TLR3: variants seen among roughly 807,000 people sequenced by gnomAD.
The protein encoded by TLR3 is toll like receptor 3, also known as toll-like receptor 3.
A neutral mutation model predicts 66.4 loss-of-function variants in TLR3; 43 were observed. That is an observed-to-expected ratio of 0.65 (90% CI 0.51 to 0.83). The LOEUF (loss-of-function observed/expected upper bound fraction) is 0.83, where lower values mean the gene tolerates loss of function less well. Among genes scored for constraint, TLR3 ranks in the 40% least tolerant of loss-of-function variants. The pLI is 0.00. For missense variants in TLR3, 982 were observed against 1,044.6 expected (o/e 0.94, Z 0.83); for synonymous variants, 397 against 397.2 (o/e 1.00, Z 0.01).
rs746697955 is a variant in TLR3 at position 186,076,668 on chromosome 4, T to C, written c.49T>C (p.Phe17Leu). Residue 17 changes from phenylalanine (F) to leucine (L), a missense_variant, in exon 2 of 5, where the codon TTT becomes CTT. By Grantham distance (22) the Phe-to-Leu change is conservative. Coordinates refer to ENST00000296795, the MANE Select transcript of TLR3 (RefSeq NM_003265.3). Reference protein sequence around the residue: ...CIYFWGGLLPFGMLCASSTTK... With the variant: ...CIYFWGGLLPLGMLCASSTTK... The stretch of plus-strand genomic sequence containing the variant: ...CTACTTTTGGGGGGGCCTTTTGCCC[T>C]TTGGGATGCTGTGTGCATCCTCCAC... The C allele has an allele frequency of 3.1e-6, 5 of 1,614,202 alleles. No homozygotes were observed. The highest frequency in any genetic ancestry group is 4.2e-6 in the Non-Finnish European group (5 of 1,180,036).
chr4:186,076,281 A>C (rs1325060538), intron 1 of TLR3, among the ~76,000 whole-genome samples: 2 of 152,242 alleles, frequency 1.3e-5, no homozygotes, highest in African/African-American at 2.4e-5. Flanking sequence ...TAAATGAAGA[A>C]ATAGAAGATC....
Position 186,078,874 on chromosome 4 carries a change from T to A in TLR3, c.476T>A (p.Leu159Ter). Residue 159 changes from leucine to a stop codon, truncating the protein, a stop_gained, in exon 3 of 5, where the codon TTG (leucine) becomes TAG (stop). Transcript: ENST00000296795. LOFTEE classifies it high-confidence loss of function. ...LITLDLSHNG[L>*]SSTKLGTQVQ... is the part of the protein sequence containing the mutation. ...ACATTAGATCTGTCTCATAATGGCT[T>A]GTCATCTACAAAATTAGGAACTCAG... 1 of 1,614,094 alleles carries A rather than the reference T, an allele frequency of 6.2e-7. No homozygotes were observed. Among genetic ancestry groups the A allele is most frequent in the Non-Finnish European group, 8.5e-7 (1 of 1,179,982 alleles).
In TLR3 at chr4:186,077,033, T is replaced by C; in HGVS notation, c.414T>C (p.Ile138=). The change falls in exon 2 of 5, where the codon ATT becomes ATC. Residue 138 remains isoleucine, a synonymous_variant. Transcript: ENST00000296795. ...TCATGTCCAACTCAATCCAGAAAAT[T>C]AAAAATAATCCCTTTGTCAAGCAGA... is the stretch of plus-strand genomic sequence containing the variant. ...LHLMSNSIQK[I]KNNPFVKQKN... 2 of 1,614,024 alleles carry C rather than the reference T, an allele frequency of 1.2e-6. No homozygotes were observed. Among genetic ancestry groups the C allele is most frequent in the Non-Finnish European group, 1.7e-6 (2 of 1,180,002 alleles).
chr4:186,076,700 G>A lies in TLR3; in HGVS notation c.81G>A (p.Lys27=), dbSNP rs1188065402. ...TGCTGTGTGCATCCTCCACCACCAAGTGCACTGTTAGCCATGAAGTTGCTG... is the reference window on the plus strand; with the variant it reads ...TGCTGTGTGCATCCTCCACCACCAAATGCACTGTTAGCCATGAAGTTGCTG... ...FGMLCASSTT[K]CTVSHEVADC... The change falls in exon 2 of 5, where the codon AAG becomes AAA. Residue 27 remains lysine (K), a synonymous_variant. Transcript: ENST00000296795. The A allele has an allele frequency of 1.2e-6, 2 of 1,614,070 alleles. No individual in the cohort carries two copies. The highest frequency in any genetic ancestry group is 1.7e-5 in the Admixed American group (1 of 60,000).
Position 186,083,841 on chromosome 4 carries a change from A to G in TLR3, c.2155A>G (p.Ile719Val). The change falls in exon 4 of 5, where the codon ATT becomes GTT. Residue 719 changes from isoleucine to valine, a missense_variant. Around this residue, in one of 3 missense-constraint regions of TLR3, gnomAD observed 666 missense variants for 709.0 expected, o/e 0.94. Coordinates refer to ENST00000296795, the MANE Select transcript of TLR3 (RefSeq NM_003265.3). The surrounding 1 kb of genome is among the most constrained non-coding windows in gnomAD (Gnocchi z 4.0). ...NTSILLIFIF[I>V]VLLIHFEGWR... Reference sequence around the variant, plus strand: ...CAGTATCCTGTTGATTTTTATCTTTATTGTACTTCTCATCCACTTTGAGGG... The same window carrying G: ...CAGTATCCTGTTGATTTTTATCTTTGTTGTACTTCTCATCCACTTTGAGGG... The G allele has an allele frequency of 6.2e-7, 1 of 1,614,004 alleles. No homozygotes were observed. The highest frequency in any genetic ancestry group is 2.2e-5 in the East Asian group (1 of 44,880).
intron 3 of TLR3, 51 bp from the exon 4 acceptor site, chr4:186,082,269 C>T (rs899734214): frequency 2.5e-6 from 2 of 793,114 alleles, no homozygotes; most frequent in African/African-American, 1.9e-5. Context: ...AACAGCATTA[C>T]AGAGTCTGTG....
chr4:186,076,507 T>C, intron 1 of TLR3, 106 bp from the exon 2 acceptor site: 1 of 1,069,616 alleles, frequency 9.3e-7, no homozygotes, highest in East Asian at 2.4e-5. Context: ...AATAACATCA[T>C]ACATGGTCAT....
At chr4:186,080,872 G>A (rs1371747133) in intron 3 of TLR3, among the ~76,000 whole-genome samples, 4 of 152,078 alleles carry the variant, frequency 2.6e-5, no homozygotes, top group Admixed American at 1.3e-4. Flanking sequence ...GATTACAGGC[G>A]TGAGCCACCG....
intron 2 of TLR3, among the ~76,000 whole-genome samples, chr4:186,078,112 C>A (rs1451237150): frequency 2.0e-5 from 3 of 152,098 alleles, no homozygotes; most frequent in Admixed American, 1.3e-4. Context: ...CTAGAGAAAT[C>A]ATTGCAAAAT....
intron 1 of TLR3, among the ~76,000 whole-genome samples, chr4:186,074,301 C>G (rs1350633549): frequency 6.6e-6 from 1 of 152,226 alleles, no homozygotes; most frequent in South Asian, 2.1e-4. Context: ...CTAGGTAGTA[C>G]AGCCTGTGGC....
intron 3 of TLR3, among the ~76,000 whole-genome samples, chr4:186,079,671 C>A (rs2099303086): frequency 6.6e-6 from 1 of 152,180 alleles, no homozygotes; most frequent in African/African-American, 2.4e-5. Context: ...TCATGATCTT[C>A]AAGCTAATCA....
Position 186,087,371 on chromosome 4 carries a change from T to C in TLR3, c.*2498T>C, listed in dbSNP as rs2099304535. On this transcript the variant is annotated 3_prime_UTR_variant, in exon 5 of 5. Transcript: ENST00000296795. ...AGTAACATCCAGAACTTCTGCAGGC[T>C]GTCCTGTGTAATTGTTCTCCGGAGG... is the stretch of plus-strand genomic sequence containing the variant. 1 of 152,244 alleles carries C rather than the reference T, an allele frequency of 6.6e-6. No individual in the cohort carries two copies. Among genetic ancestry groups the C allele is most frequent in the South Asian group, 2.1e-4 (1 of 4,832 alleles). 9.4% of individuals were successfully genotyped at this position (152,244 alleles called of 1,614,324 possible).
Position 186,082,799 on chromosome 4 carries a change from A to T in TLR3, c.1113A>T (p.Lys371Asn). The change falls in exon 4 of 5, where the codon AAA (lysine) becomes AAT (asparagine). Residue 371 changes from lysine (K) to asparagine (N), a missense_variant. Lys to Asn is a moderately conservative substitution (Grantham distance 94). Transcript: ENST00000296795. Reference protein sequence around the residue: ...NMEDNDIPGIKSNMFTGLINL... With the variant: ...NMEDNDIPGINSNMFTGLINL... ...AAGATAATGATATTCCAGGCATAAA[A>T]AGCAATATGTTCACAGGATTGATAA... 1.9e-6 allele frequency: 3 copies of T among 1,614,160 alleles called. No individual in the cohort carries two copies. Among genetic ancestry groups the T allele is most frequent in the Non-Finnish European group, 1.7e-6 (2 of 1,180,020 alleles).
intron 3 of TLR3, 138 bp from the exon 4 acceptor site, chr4:186,082,182 A>G (rs1427419233): frequency 3.5e-5 from 27 of 775,406 alleles, no homozygotes; most frequent in Non-Finnish European, 7.9e-6. Flanking sequence ...CTGAGATTGC[A>G]CTGCTGTACT....
rs1220707537 is a variant in TLR3 at position 186,085,739 on chromosome 4, GTGA to G, written c.*874_*876del. ...CATCTTAGATATTCCTATGTAATTAGTGATGATGATCGCTGTATAATATATTCA... is the reference window on the plus strand; with the variant it reads ...CATCTTAGATATTCCTATGTAATTAGTGATGATCGCTGTATAATATATTCA... On this transcript the variant is annotated 3_prime_UTR_variant, in exon 5 of 5. Coordinates refer to ENST00000296795, the MANE Select transcript of TLR3 (RefSeq NM_003265.3). The G allele has an allele frequency of 2.0e-5, 3 of 152,188 alleles. No individual in the cohort carries two copies. The highest frequency in any genetic ancestry group is 2.9e-5 in the Non-Finnish European group (2 of 68,042). The allele number at this position is 152,188 out of a possible 1,614,324, so 9.4% of individuals were successfully genotyped here.
At chr4:186,082,025 G>A (rs2099303574) in intron 3 of TLR3, 1 of 372,406 alleles carries the variant, frequency 2.7e-6, no homozygotes, top group South Asian at 2.8e-5. Flanking sequence ...AGGAGTTCAA[G>A]ACCAGCCTGG....
Position 186,076,523 on chromosome 4 carries a change from G to T in TLR3, c.-7-90G>T, listed in dbSNP as rs2099302482. ...ATAACATCATACATGGTCATATTTTGGTGATATATTTTACAAGGAATATAC... is the reference window on the plus strand; with the variant it reads ...ATAACATCATACATGGTCATATTTTTGTGATATATTTTACAAGGAATATAC... On this transcript the variant is annotated intron_variant, in intron 1 of 4. Coordinates refer to ENST00000296795, the MANE Select transcript of TLR3 (RefSeq NM_003265.3). The T allele has an allele frequency of 1.3e-5, 15 of 1,176,778 alleles. No homozygotes were observed. In the South Asian group the frequency reaches 1.6e-4, roughly 13 times the overall value. 72.9% of individuals were successfully genotyped at this position (1,176,778 alleles called of 1,614,324 possible).
rs772992927 is a variant in TLR3, at chr4:186,083,148, C to G, written c.1462C>G (p.Arg488Gly). Residue 488 changes from arginine (R) to glycine (G), a missense_variant, in exon 4 of 5, where the codon CGA (arginine) becomes GGA (glycine). Physicochemically the swap from Arg to Gly is moderately radical, Grantham distance 125. Coordinates refer to ENST00000296795, the MANE Select transcript of TLR3 (RefSeq NM_003265.3). This position sits in a 1 kb window ranked among gnomAD's most constrained non-coding sequence, Gnocchi z 4.0. ...CCCAAGCCTTCAACGACTGATGCTC[C>G]GAAGGGTGGCCCTTAAAAATGTGGA... The part of the protein sequence containing the change: ...LVPSLQRLML[R>G]RVALKNVDSS... 3 of 1,614,188 alleles carry G rather than the reference C, an allele frequency of 1.9e-6. No individual in the cohort carries two copies. The Admixed American group carries it at 5.0e-5, about 27-fold the overall frequency.
Position 186,083,221 on chromosome 4 carries a change from A to G in TLR3, c.1535A>G (p.Asp512Gly), listed in dbSNP as rs1205136912. The G allele has an allele frequency of 2.5e-6, 4 of 1,614,088 alleles. No individual in the cohort carries two copies. In the African/African-American group the frequency reaches 5.3e-5, roughly 22 times the overall value. Residue 512 changes from aspartate to glycine, a missense_variant, in exon 4 of 5, where the codon GAT (aspartate) becomes GGT (glycine). Physicochemically the swap from Asp to Gly is moderately conservative, Grantham distance 94. Transcript: ENST00000296795. The surrounding 1 kb of genome is among the most constrained non-coding windows in gnomAD (Gnocchi z 4.0). ...CCTCTTCGTAACTTGACCATTCTGGATCTAAGCAACAACAACATAGCCAAC... is the reference window on the plus strand; with the variant it reads ...CCTCTTCGTAACTTGACCATTCTGGGTCTAAGCAACAACAACATAGCCAAC... ...FQPLRNLTIL[D>G]LSNNNIANIN...
Sources: gnomAD v4.1 joint callset for allele counts (sites outside exome capture counted in the v4.1 genomes callset) on GRCh38, gnomAD v4.1.1 for gene constraint, gnomAD v4.1.1 regional missense constraint, Gnocchi (gnomAD v3.1) non-coding constraint, MANE v1.5 for transcripts, NCBI Gene and HGNC (gene_info 2026-07-23, HGNC 2026-07-21) for gene names.